Variants in PREX1 observed in about 807,000 individuals in gnomAD.
PREX1 encodes phosphatidylinositol-3,4,5-trisphosphate dependent Rac exchange factor 1, also known as phosphatidylinositol 3,4,5-trisphosphate-dependent Rac exchanger 1 protein.
In PREX1, 41 loss-of-function variants were observed where a neutral mutation model predicts 198.3. The observed-to-expected ratio is 0.21, with a 90% CI of 0.16 to 0.27. The LOEUF is 0.27. Ranked by LOEUF, PREX1 falls within the 10% of genes least tolerant of loss-of-function variation. The probability of loss-of-function intolerance (pLI) is 1.00; values close to 1 mark genes in which losing one functional copy is unlikely to be tolerated. For synonymous variants in PREX1, 843 were observed against 887.2 expected (o/e 0.95, Z 0.89); for missense variants, 1,620 against 2,200.7 (o/e 0.74, Z 5.28).
intron 1 of PREX1, among the ~76,000 whole-genome samples, chr20:48,751,791 C>T (rs1280559498): frequency 6.6e-6 from 1 of 152,204 alleles, no homozygotes; most frequent in Non-Finnish European, 1.5e-5. Context: ...GACCACTTGT[C>T]CTCACATCTG....
At chr20:48,801,781 G>A (rs1041412651) in intron 1 of PREX1, among the ~76,000 whole-genome samples, 2 of 152,198 alleles carry the variant, frequency 1.3e-5, no homozygotes, top group African/African-American at 4.8e-5. Context: ...AGGCAGGGTC[G>A]CATGGGAGGT....
chr20:48,765,603 T>C (rs2090204644), intron 1 of PREX1, among the ~76,000 whole-genome samples: 1 of 152,004 alleles, frequency 6.6e-6, no homozygotes, highest in South Asian at 2.1e-4. Flanking sequence ...AGGAACAGAG[T>C]TATTTGCTCA....
the PREX1 span, among the ~76,000 whole-genome samples, chr20:48,870,152 C>T: frequency 6.6e-6 from 1 of 152,210 alleles, no homozygotes. Flanking sequence ...AATTTGCCTA[C>T]TTGTCCCCTC....
chr20:48,660,601 T>C (rs1385907521), intron 15 of PREX1, among the ~76,000 whole-genome samples: 1 of 152,232 alleles, frequency 6.6e-6, no homozygotes, highest in Non-Finnish European at 1.5e-5. Context: ...ATGACATCTT[T>C]GTCCTAGAGA....
At position 48,785,648 on chromosome 20, in the gene PREX1, C is replaced by A. The variant is rs536374765; in HGVS notation, c.220-37768G>T. Among the ~76,000 whole-genome samples, 10 of 152,364 alleles carry A rather than the reference C, an allele frequency of 6.6e-5. No homozygotes were observed. The South Asian group carries it at 1.9e-3, about 28-fold the overall frequency. ...CACCCCCTCTCACCCTACAGAAGTA[C>A]CTGTCCCAGCTGGCCAGTCTCTTTG... On this transcript the variant is annotated intron_variant, in intron 1 of 39. Coordinates refer to ENST00000371941, the MANE Select transcript of PREX1 (RefSeq NM_020820.4).
At chr20:48,735,268 G>T (rs1018576835) in intron 3 of PREX1, among the ~76,000 whole-genome samples, 2 of 152,186 alleles carry the variant, frequency 1.3e-5, no homozygotes, top group African/African-American at 4.8e-5. Flanking sequence ...CGTGGGTGAG[G>T]TCACTGGAGG....
chr20:48,853,851 G>T, the PREX1 span, among the ~76,000 whole-genome samples: 1 of 152,148 alleles, frequency 6.6e-6, no homozygotes, highest in South Asian at 2.1e-4. Flanking sequence ...AGTCCTGGCT[G>T]CCCTGCAGAC....
intron 1 of PREX1, among the ~76,000 whole-genome samples, chr20:48,803,953 T>A (rs2090398728): frequency 6.6e-6 from 1 of 152,228 alleles, no homozygotes; most frequent in South Asian, 2.1e-4. Context: ...TTCTGTCACT[T>A]ACAACCCAAA....
At chr20:48,648,182 C>T (rs1483867775) in intron 25 of PREX1, among the ~76,000 whole-genome samples, 3 of 152,178 alleles carry the variant, frequency 2.0e-5, no homozygotes, top group African/African-American at 4.8e-5. Context: ...GCTGAAATTA[C>T]AGGCATGAGC....
intron 1 of PREX1, among the ~76,000 whole-genome samples, chr20:48,795,798 C>G (rs1390174980): frequency 6.6e-6 from 1 of 152,080 alleles, no homozygotes; most frequent in Non-Finnish European, 1.5e-5. Context: ...CTAGGTGATC[C>G]TACGTTTACC....
chr20:48,651,105 T>G, intron 22 of PREX1, 50 bp from the exon 23 acceptor site: 1 of 1,598,032 alleles, frequency 6.3e-7, no homozygotes, highest in Non-Finnish European at 8.5e-7. Context: ...CCGGGAAGAT[T>G]TTAAGCGGTT....
the PREX1 span, among the ~76,000 whole-genome samples, chr20:48,848,101 T>C: frequency 6.6e-6 from 1 of 152,224 alleles, no homozygotes; most frequent in Non-Finnish European, 1.5e-5. Flanking sequence ...TCATTTTTCC[T>C]GAGCAAATAC....
chr20:48,642,005 A>G (rs1387900750), intron 29 of PREX1, 163 bp downstream of exon 29: 1 of 634,008 alleles, frequency 1.6e-6, no homozygotes, highest in Non-Finnish European at 2.8e-6. Context: ...CTACAAAAAC[A>G]GGTCATGGAC....
At chr20:48,835,136 G>A in the PREX1 span, among the ~76,000 whole-genome samples, 5 of 152,182 alleles carry the variant, frequency 3.3e-5, no homozygotes, top group African/African-American at 1.2e-4. Flanking sequence ...GTGATTCTTT[G>A]CCAAGCCATG....
intron 17 of PREX1, among the ~76,000 whole-genome samples, chr20:48,657,778 C>G (rs954345811): frequency 6.6e-6 from 1 of 152,190 alleles, no homozygotes; most frequent in Non-Finnish European, 1.5e-5. Context: ...CTCTCCTAAC[C>G]TATCCTCCTG....
chr20:48,795,152 G>A (rs1327223191), intron 1 of PREX1, among the ~76,000 whole-genome samples: 2 of 152,070 alleles, frequency 1.3e-5, no homozygotes, highest in African/African-American at 2.4e-5. Context: ...ACAGGGGCTC[G>A]GGTCTGTTCC....
At chr20:48,689,144 G>A (rs1178214983) in intron 9 of PREX1, among the ~76,000 whole-genome samples, 1 of 152,156 alleles carries the variant, frequency 6.6e-6, no homozygotes, top group Non-Finnish European at 1.5e-5. Flanking sequence ...CCAACCTGAG[G>A]GTGGGTTTCT....
chr20:48,830,133 G>C (rs1373982025), upstream of PREX1, among the ~76,000 whole-genome samples: 51 of 152,202 alleles, frequency 3.4e-4, 1 homozygote, highest in Non-Finnish European at 2.9e-5. Flanking sequence ...GGAGGTCCAA[G>C]TGGGAGGATT....
At chr20:48,865,950 CTTTT>C in the PREX1 span, among the ~76,000 whole-genome samples, 1 of 140,248 alleles carries the variant, frequency 7.1e-6, no homozygotes, top group Non-Finnish European at 1.6e-5. Flanking sequence ...AAGTGTTAAA[CTTTT>C]TTTTTTTTTT....
Sources: gnomAD v4.1 joint callset for allele counts (sites outside exome capture counted in the v4.1 genomes callset) on GRCh38, gnomAD v4.1.1 for gene constraint, MANE v1.5 for transcripts, NCBI Gene and HGNC (gene_info 2026-07-23, HGNC 2026-07-21) for gene names.